The following MRPS5 variants were observed in gnomAD, a reference collection of about 807,000 sequenced individuals.
MRPS5 encodes the protein mitochondrial ribosomal protein S5.
A neutral mutation model predicts 51.9 loss-of-function variants in MRPS5; 27 were observed. That is an observed-to-expected ratio of 0.52 (90% confidence interval 0.38 to 0.72). The LOEUF is 0.72. MRPS5 is among the 30% of genes least tolerant of loss of function. MRPS5 has a pLI of 0.00. For synonymous variants in MRPS5, 196 were observed against 193.2 expected, an observed-to-expected ratio of 1.01 and a Z score of -0.12; for missense variants, 570 against 545.7, an observed-to-expected ratio of 1.04 and a Z score of -0.44.
chr2:95,109,444 G>A (rs867859126), intron 4 of MRPS5, among the ~76,000 whole-genome samples: 5 of 151,088 alleles, frequency 3.3e-5, no homozygotes, highest in Non-Finnish European at 7.4e-5. Flanking sequence ...AACTCAGTTC[G>A]TGACTTGTTT....
chr2:95,090,273 C>T, intron 11 of MRPS5, 113 bp downstream of exon 11: 1 of 1,026,564 alleles, frequency 9.7e-7, no homozygotes. Context: ...ATGCCCAACT[C>T]CTCAGGTGGC....
intron 4 of MRPS5, among the ~76,000 whole-genome samples, chr2:95,109,615 G>A (rs558479173): frequency 2.3e-4 from 35 of 152,272 alleles, no homozygotes; most frequent in Middle Eastern, 3.4e-3. Context: ...GGGAATATTC[G>A]CCAACTCTCC....
rs558621178 is a variant in MRPS5, at chr2:95,086,437, A to G, written c.*920T>C. On this transcript the variant is annotated 3_prime_UTR_variant, in exon 12 of 12. Transcript: ENST00000272418. ...ATGGTTCAAGAGCAGAATGGAAAGG[A>G]AAGAGTAAATAACCAGTTATTCTGA... 6.6e-6 allele frequency among the ~76,000 whole-genome samples: 1 copy of G among 152,366 alleles called. No individual in the cohort carries two copies. Among genetic ancestry groups the G allele is most frequent in the South Asian group, 2.1e-4 (1 of 4,828 alleles).
intron 6 of MRPS5, among the ~76,000 whole-genome samples, chr2:95,105,514 C>A (rs1370943778): frequency 1.3e-5 from 2 of 151,380 alleles, no homozygotes; most frequent in African/African-American, 4.9e-5. Context: ...CACTGTACTC[C>A]AGACTGGCAA....
At chr2:95,096,142 T>C (rs549897100) in intron 10 of MRPS5, among the ~76,000 whole-genome samples, 4 of 152,292 alleles carry the variant, frequency 2.6e-5, no homozygotes, top group Admixed American at 1.3e-4. Flanking sequence ...CAGGAAGAAG[T>C]TGAATCGCTG....
In MRPS5 at chr2:95,108,199, G is replaced by T; in HGVS notation, c.613C>A (p.Pro205Thr). The T allele has an allele frequency of 6.2e-7, 1 of 1,614,130 alleles. No individual in the cohort carries two copies. Among genetic ancestry groups the T allele is most frequent in the East Asian group, 2.2e-5 (1 of 44,872 alleles). Residue 205 changes from proline (P) to threonine (T), a missense_variant, in exon 5 of 12, where the codon CCC becomes ACC. By Grantham distance (38) the Pro-to-Thr change is conservative. Transcript: ENST00000272418. ...CCTCCACAGGGACCAGGGTCAGGGGGGCCAAGACTGATGCCTCCCCATGAG... is the reference window on the plus strand; with the variant it reads ...CCTCCACAGGGACCAGGGTCAGGGGTGCCAAGACTGATGCCTCCCCATGAG... ...GNSWGGISLG[P>T]PDPGPCGETY... is the part of the protein sequence containing the mutation.
At chr2:95,091,667 G>T (rs1266189528) in intron 10 of MRPS5, 1 of 152,142 alleles carries the variant, frequency 6.6e-6, no homozygotes, top group Non-Finnish European at 1.5e-5. Context: ...ATCTACTCTG[G>T]AAGTTGGACA....
intron 4 of MRPS5, 21 bp from the exon 5 acceptor site, chr2:95,108,429 A>T: frequency 6.3e-7 from 1 of 1,579,224 alleles, no homozygotes; most frequent in Non-Finnish European, 8.6e-7. Context: ...AAAAATATAA[A>T]TAATAATTTT....
At position 95,087,323 on chromosome 2, in the gene MRPS5, C is replaced by T; in HGVS notation, c.*34G>A. The T allele has an allele frequency of 1.3e-6, 2 of 1,571,080 alleles. No individual in the cohort carries two copies. The highest frequency in any genetic ancestry group is 4.5e-5 in the East Asian group (2 of 44,660). On this transcript the variant is annotated 3_prime_UTR_variant, in exon 12 of 12. Transcript: ENST00000272418. ...GGCTGAGTCTCTCCTAGGTGCAGGGCAGCACAGGAACTGGCTGCACAAGGC... is the reference window on the plus strand; with the variant it reads ...GGCTGAGTCTCTCCTAGGTGCAGGGTAGCACAGGAACTGGCTGCACAAGGC...
chr2:95,101,283 C>A (rs943007805), intron 8 of MRPS5, among the ~76,000 whole-genome samples: 3 of 150,760 alleles, frequency 2.0e-5, no homozygotes, highest in African/African-American at 7.3e-5. Context: ...ACTTGGGAGG[C>A]GGAGGCAGGA....
At chr2:95,108,492 T>A (rs1258436798) in intron 4 of MRPS5, 84 bp from the exon 5 acceptor site, 35 of 1,088,668 alleles carry the variant, frequency 3.2e-5, no homozygotes, top group Non-Finnish European at 3.2e-5. Flanking sequence ...CATGTACAGA[T>A]AATGATGACA....
chr2:95,100,976 GT>G, intron 8 of MRPS5, 82 bp from the exon 9 acceptor site: 3 of 1,235,540 alleles, frequency 2.4e-6, no homozygotes, highest in Non-Finnish European at 3.4e-6. Context: ...TAATAAAAAT[GT>G]TTCATTATCA....
chr2:95,111,791 T>C (rs1164950346), intron 3 of MRPS5, among the ~76,000 whole-genome samples: 1 of 152,202 alleles, frequency 6.6e-6, no homozygotes, highest in East Asian at 1.9e-4. Context: ...CATATGCACA[T>C]TTGTATCCTG....
intron 5 of MRPS5, chr2:95,106,802 C>A: frequency 2.9e-6 from 1 of 343,266 alleles, no homozygotes; most frequent in Non-Finnish European, 5.5e-6. Flanking sequence ...ATCATTTCCA[C>A]GAAACTTTGT....
chr2:95,109,764 G>T, intron 4 of MRPS5, 152 bp downstream of exon 4: 1 of 811,448 alleles, frequency 1.2e-6, no homozygotes, highest in Non-Finnish European at 1.9e-6. Flanking sequence ...GAATCCTGGG[G>T]CAATGAGTAA....
At chr2:95,102,223 A>G (rs1195151662) in intron 7 of MRPS5, among the ~76,000 whole-genome samples, 1 of 152,196 alleles carries the variant, frequency 6.6e-6, no homozygotes, top group African/African-American at 2.4e-5. Context: ...CATTCTGGAA[A>G]TAACAAATTT....
At chr2:95,096,662 T>A (rs1019179983) in intron 10 of MRPS5, among the ~76,000 whole-genome samples, 4 of 152,140 alleles carry the variant, frequency 2.6e-5, no homozygotes, top group African/African-American at 9.7e-5. Flanking sequence ...AAACTCTCAA[T>A]ACACTAGGTA....
chr2:95,104,215 T>C (rs547431589), intron 7 of MRPS5: 1 of 176,564 alleles, frequency 5.7e-6, no homozygotes, highest in East Asian at 1.5e-4. Flanking sequence ...TATATGGTCT[T>C]ATATAACGTT....
Position 95,108,378 on chromosome 2 carries a change from T to A in MRPS5, c.434A>T (p.Asn145Ile). Residue 145 changes from asparagine to isoleucine, a missense_variant, in exon 5 of 12, where the codon AAT (asparagine) becomes ATT (isoleucine). Coordinates refer to ENST00000272418, the MANE Select transcript of MRPS5 (RefSeq NM_031902.5). ...TGCTCCATTTTTCATAAGAGGGACATTCAGTCCGGGCCATAGAAAACCATA... is the reference window on the plus strand; with the variant it reads ...TGCTCCATTTTTCATAAGAGGGACAATCAGTCCGGGCCATAGAAAACCATA... ...GRYGFLWPGL[N>I]VPLMKNGAVQ... The A allele has an allele frequency of 6.2e-7, 1 of 1,614,174 alleles. No homozygotes were observed. The highest frequency in any genetic ancestry group is 8.5e-7 in the Non-Finnish European group (1 of 1,180,040).
Sources: gnomAD v4.1 joint callset for allele counts (sites outside exome capture counted in the v4.1 genomes callset) on GRCh38, gnomAD v4.1.1 for gene constraint, MANE v1.5 for transcripts, NCBI Gene and HGNC (gene_info 2026-07-23, HGNC 2026-07-21) for gene names.